Variants in CSGALNACT1 observed in about 807,000 individuals in gnomAD.
The protein encoded by CSGALNACT1 is chondroitin sulfate N-acetylgalactosaminyltransferase 1, also known as beta4GalNAcT-1.
A neutral mutation model predicts 51.0 loss-of-function variants in CSGALNACT1; 52 were observed. That is an observed-to-expected ratio of 1.02 (90% confidence interval 0.82 to 1.29). The LOEUF (loss-of-function observed/expected upper bound fraction) is 1.29, where lower values mean the gene tolerates loss of function less well. CSGALNACT1 is among the 50% of genes most tolerant of loss of function. The pLI is 0.00. For synonymous variants in CSGALNACT1, 341 were observed against 254.4 expected (o/e 1.34, Z -3.24); for missense variants, 935 against 679.2 (o/e 1.38, Z -4.19).
chr8:19,582,840 C>T (rs551961434), intron 3 of CSGALNACT1, among the ~76,000 whole-genome samples: 1 of 152,204 alleles, frequency 6.6e-6, no homozygotes, highest in African/African-American at 2.4e-5. Flanking sequence ...TTTGCTAGAG[C>T]CAGTATGAAC....
chr8:19,528,328 T>A (rs1294240355), intron 3 of CSGALNACT1, among the ~76,000 whole-genome samples: 1 of 150,638 alleles, frequency 6.6e-6, no homozygotes, highest in Non-Finnish European at 1.5e-5. Context: ...TGCCTGACAG[T>A]CACGGCAAGG....
intron 6 of CSGALNACT1, among the ~76,000 whole-genome samples, chr8:19,436,193 C>G (rs76669937): frequency 0.015 from 2,256 of 152,294 alleles, 51 homozygotes; most frequent in African/African-American, 0.052. Context: ...ATGCATTTAG[C>G]TGGATTTAAA....
At chr8:19,566,058 G>C (rs2041845084) in intron 3 of CSGALNACT1, among the ~76,000 whole-genome samples, 1 of 152,212 alleles carries the variant, frequency 6.6e-6, no homozygotes, top group Non-Finnish European at 1.5e-5. Flanking sequence ...AGATGTATCT[G>C]TCTCCTAATC....
chr8:19,560,632 C>G (rs886521473), intron 3 of CSGALNACT1, among the ~76,000 whole-genome samples: 1 of 152,146 alleles, frequency 6.6e-6, no homozygotes, highest in Non-Finnish European at 1.5e-5. Flanking sequence ...ATCAACCTTA[C>G]GAGCAAACAG....
intron 1 of CSGALNACT1, among the ~76,000 whole-genome samples, chr8:19,690,206 T>C (rs68185222): frequency 6.6e-6 from 1 of 152,212 alleles, no homozygotes; most frequent in Non-Finnish European, 1.5e-5. Context: ...TGAATACTTT[T>C]CAAATCAATT....
intron 4 of CSGALNACT1, among the ~76,000 whole-genome samples, chr8:19,471,756 C>A (rs539924871): frequency 6.6e-6 from 1 of 152,268 alleles, no homozygotes; most frequent in South Asian, 2.1e-4. Context: ...GAGTAAACAA[C>A]AAGGCTGAAG....
At chr8:19,555,355 C>T (rs1245189147) in intron 3 of CSGALNACT1, among the ~76,000 whole-genome samples, 2 of 152,002 alleles carry the variant, frequency 1.3e-5, no homozygotes, top group Non-Finnish European at 2.9e-5. Flanking sequence ...CAAAAGAGAA[C>T]CAGGAATGTT....
At chr8:19,617,629 G>T (rs1342795030) in intron 1 of CSGALNACT1, among the ~76,000 whole-genome samples, 1 of 152,168 alleles carries the variant, frequency 6.6e-6, no homozygotes, top group Non-Finnish European at 1.5e-5. Context: ...AATGTGCCAA[G>T]TGCCCCAGGA....
upstream of CSGALNACT1, chr8:19,602,855 A>G (rs1405890901): frequency 6.6e-6 from 1 of 152,106 alleles, no homozygotes; most frequent in Non-Finnish European, 1.5e-5. Context: ...CATGTCAATA[A>G]TGTTGTCTTC....
chr8:19,480,351 G>C (rs1026356512), intron 4 of CSGALNACT1, among the ~76,000 whole-genome samples: 1 of 152,160 alleles, frequency 6.6e-6, no homozygotes, highest in African/African-American at 2.4e-5. Flanking sequence ...ACTTATTGGT[G>C]AGAACACGCA....
chr8:19,533,738 A>G (rs1329212497), intron 3 of CSGALNACT1, among the ~76,000 whole-genome samples: 1 of 152,178 alleles, frequency 6.6e-6, no homozygotes, highest in Non-Finnish European at 1.5e-5. Context: ...CAGTATGTTG[A>G]GCTCCCATAA....
intron 1 of CSGALNACT1, among the ~76,000 whole-genome samples, chr8:19,639,776 G>T (rs904866691): frequency 1.3e-5 from 2 of 151,762 alleles, no homozygotes; most frequent in African/African-American, 4.9e-5. Flanking sequence ...ATAAACAAAT[G>T]GCAAAATATT....
chr8:19,690,454 G>A (rs1215860871), intron 1 of CSGALNACT1, among the ~76,000 whole-genome samples: 1 of 152,182 alleles, frequency 6.6e-6, no homozygotes, highest in Non-Finnish European at 1.5e-5. Context: ...TACCACAAGT[G>A]TGATATATAG....
chr8:19,479,920 T>A (rs2070889954), intron 4 of CSGALNACT1, among the ~76,000 whole-genome samples: 1 of 152,014 alleles, frequency 6.6e-6, no homozygotes, highest in Non-Finnish European at 1.5e-5. Context: ...GGGATTCCAT[T>A]AAAAACCCAA....
chr8:19,501,740 A>C (rs2076463462), intron 4 of CSGALNACT1, among the ~76,000 whole-genome samples: 1 of 152,230 alleles, frequency 6.6e-6, no homozygotes. Context: ...AAAAACAGGA[A>C]ATCAGAGCCA....
intron 1 of CSGALNACT1, among the ~76,000 whole-genome samples, chr8:19,725,035 T>C: frequency 6.6e-6 from 1 of 152,204 alleles, no homozygotes; most frequent in East Asian, 1.9e-4. Flanking sequence ...AGCTCCAACC[T>C]TGCTCCTGCC....
At chr8:19,690,175 A>T (rs1394538065) in intron 1 of CSGALNACT1, among the ~76,000 whole-genome samples, 1 of 152,250 alleles carries the variant, frequency 6.6e-6, no homozygotes, top group Non-Finnish European at 1.5e-5. Context: ...ATTTCCTAAT[A>T]TTGAGTGGAC....
chr8:19,632,819 G>A (rs1199251301), intron 1 of CSGALNACT1, among the ~76,000 whole-genome samples: 5 of 152,052 alleles, frequency 3.3e-5, no homozygotes, highest in African/African-American at 9.7e-5. Context: ...GCAGTGGAAC[G>A]GTCACAGCTC....
chr8:19,504,998 G>A (rs181642519), intron 4 of CSGALNACT1, among the ~76,000 whole-genome samples: 176 of 152,218 alleles, frequency 1.2e-3, no homozygotes, highest in African/African-American at 3.9e-3. Context: ...CTCAATGACC[G>A]TGGTTTCCAT....
Sources: gnomAD v4.1 joint callset for allele counts (sites outside exome capture counted in the v4.1 genomes callset) on GRCh38, gnomAD v4.1.1 for gene constraint, MANE v1.5 for transcripts, NCBI Gene and HGNC (gene_info 2026-07-23, HGNC 2026-07-21) for gene names.